PDE4D: variants seen among roughly 807,000 people sequenced by gnomAD.
PDE4D encodes phosphodiesterase 4D.
A neutral mutation model predicts 87.4 loss-of-function variants in PDE4D; 24 were observed. The ratio of observed to expected loss-of-function variants is 0.27; its 90% CI spans 0.20 to 0.39. The LOEUF is 0.39. Ranked by LOEUF, PDE4D falls within the 10% of genes least tolerant of loss-of-function variation. The pLI is 1.00. For missense variants in PDE4D, 714 were observed against 1,041.0 expected (o/e 0.69, Z 4.32); for synonymous variants, 384 against 383.2 (o/e 1.00, Z -0.02).
At chr5:60,227,163 A>G (rs1044174111) in intron 1 of PDE4D, among the ~76,000 whole-genome samples, 3 of 152,146 alleles carry the variant, frequency 2.0e-5, no homozygotes, top group African/African-American at 4.8e-5. Flanking sequence ...TCACAAAAAC[A>G]AAATATGTTT....
At chr5:59,519,619 AG>A (rs1007416098) in intron 1 of PDE4D, among the ~76,000 whole-genome samples, 1 of 152,208 alleles carries the variant, frequency 6.6e-6, no homozygotes, top group Non-Finnish European at 1.5e-5. Flanking sequence ...CGGTAGACAT[AG>A]ATCATGTAGA....
intron 1 of PDE4D, among the ~76,000 whole-genome samples, chr5:59,574,156 A>ATATATATATATATAAATATATATT (rs1822705094): frequency 9.2e-6 from 1 of 108,226 alleles, no homozygotes; most frequent in Non-Finnish European, 1.8e-5. Flanking sequence ...ATATATATTT[A>ATATATATATATATAAATATATATT]TATATATATA....
In PDE4D at chr5:60,330,102, T is replaced by C. The variant is rs547330142; in HGVS notation, c.-89-144415A>G. 4.6e-5 allele frequency among the ~76,000 whole-genome samples: 7 copies of C among 152,310 alleles called. No homozygotes were observed. The South Asian group carries it at 1.5e-3, about 32-fold the overall frequency. ...CACTCTTGGTGAGTCTCCAAGCAGGTAGATACAATTACAGTATAGAGGAAA... is the reference window on the plus strand; with the variant it reads ...CACTCTTGGTGAGTCTCCAAGCAGGCAGATACAATTACAGTATAGAGGAAA... On this transcript the variant is annotated intron_variant, in intron 1 of 16. Transcript: ENST00000502484.
intron 1 of PDE4D, among the ~76,000 whole-genome samples, chr5:59,434,751 C>A (rs1796568314): frequency 6.6e-6 from 1 of 152,086 alleles, no homozygotes; most frequent in Non-Finnish European, 1.5e-5. Flanking sequence ...CTTATATTCC[C>A]TAGTACTGGC....
chr5:59,122,374 C>T (rs938490995), intron 5 of PDE4D, among the ~76,000 whole-genome samples: 20 of 151,850 alleles, frequency 1.3e-4, no homozygotes, highest in Admixed American at 7.9e-4. Context: ...GAAGGTAGAC[C>T]GATAGATACC....
intron 1 of PDE4D, among the ~76,000 whole-genome samples, chr5:59,482,288 T>C (rs775711087): frequency 2.1e-4 from 32 of 152,166 alleles, no homozygotes; most frequent in Admixed American, 3.3e-4. Flanking sequence ...ATTAATTAAG[T>C]GATGATGTGT....
chr5:59,600,507 G>A (rs1347870370), intron 1 of PDE4D, among the ~76,000 whole-genome samples: 1 of 152,146 alleles, frequency 6.6e-6, no homozygotes, highest in Non-Finnish European at 1.5e-5. Context: ...CATGTTATAA[G>A]ACAGTACATT....
chr5:60,034,893 A>AT (rs2152862561), intron 2 of PDE4D, among the ~76,000 whole-genome samples: 1 of 152,292 alleles, frequency 6.6e-6, no homozygotes, highest in South Asian at 2.1e-4. Flanking sequence ...TGAAGCCCTC[A>AT]TTGCTGTACA....
At chr5:60,156,094 G>A (rs1781950410) in intron 2 of PDE4D, among the ~76,000 whole-genome samples, 1 of 152,170 alleles carries the variant, frequency 6.6e-6, no homozygotes, top group African/African-American at 2.4e-5. Flanking sequence ...AGTTACTAGG[G>A]TAAGAGGCCA....
intron 1 of PDE4D, among the ~76,000 whole-genome samples, chr5:59,685,625 T>C (rs937481264): frequency 1.8e-4 from 28 of 152,334 alleles, no homozygotes; most frequent in African/African-American, 6.5e-4. Context: ...TTGTTTTTCT[T>C]TTCTCAAGTC....
At chr5:59,064,511 G>C (rs965707889) in intron 5 of PDE4D, among the ~76,000 whole-genome samples, 4 of 152,022 alleles carry the variant, frequency 2.6e-5, no homozygotes, top group Non-Finnish European at 4.4e-5. Flanking sequence ...TGTCCTACAG[G>C]CTACCCGTTT....
chr5:60,107,519 T>C (rs1346072303), intron 2 of PDE4D, among the ~76,000 whole-genome samples: 1 of 152,192 alleles, frequency 6.6e-6, no homozygotes, highest in Non-Finnish European at 1.5e-5. Context: ...GAGGCCAGCA[T>C]CATCCTGATA....
At chr5:60,520,633 C>A (rs892229473) in intron 1 of PDE4D, among the ~76,000 whole-genome samples, 2 of 152,248 alleles carry the variant, frequency 1.3e-5, no homozygotes, top group Non-Finnish European at 2.9e-5. Flanking sequence ...GATCTTCACC[C>A]ACCCAGCCAC....
At chr5:60,446,055 C>T (rs1745614741) in intron 1 of PDE4D, among the ~76,000 whole-genome samples, 1 of 152,120 alleles carries the variant, frequency 6.6e-6, no homozygotes, top group Non-Finnish European at 1.5e-5. Flanking sequence ...AACTACCCAA[C>T]CTCACTAGTG....
At chr5:59,349,374 G>C (rs768777641) in intron 1 of PDE4D, among the ~76,000 whole-genome samples, 3 of 152,048 alleles carry the variant, frequency 2.0e-5, no homozygotes, top group Non-Finnish European at 4.4e-5. Flanking sequence ...TCCAGAACAA[G>C]GAGTACCAAG....
At chr5:60,228,805 G>A (rs989134461) in intron 1 of PDE4D, among the ~76,000 whole-genome samples, 5 of 152,040 alleles carry the variant, frequency 3.3e-5, no homozygotes, top group African/African-American at 1.2e-4. Context: ...TACAGAGAGC[G>A]AGAAGTCATC....
At chr5:60,207,291 G>C (rs569711763) in intron 1 of PDE4D, among the ~76,000 whole-genome samples, 2 of 152,298 alleles carry the variant, frequency 1.3e-5, no homozygotes, top group East Asian at 3.9e-4. Flanking sequence ...TGGTTAAGGG[G>C]AAATGAGACT....
chr5:59,507,679 A>AGAAAAGAAAAG (rs1554198805), intron 1 of PDE4D, among the ~76,000 whole-genome samples: 6 of 118,716 alleles, frequency 5.1e-5, no homozygotes, highest in African/African-American at 2.1e-4. Context: ...AAAAAAAAAA[A>AGAAAAGAAAAG]AAAAGAAAAG....
At chr5:59,370,629 T>G (rs546934845) in intron 1 of PDE4D, among the ~76,000 whole-genome samples, 4 of 152,322 alleles carry the variant, frequency 2.6e-5, no homozygotes, top group African/African-American at 4.8e-5. Flanking sequence ...GACACACATT[T>G]TGAATGTGTT....
Sources: allele counts gnomAD v4.1 joint callset (sites outside exome capture counted in the v4.1 genomes callset), GRCh38; gene constraint gnomAD v4.1.1; transcripts MANE v1.5; gene names NCBI Gene and HGNC (gene_info 2026-07-23, HGNC 2026-07-21).